The following C11orf65 variants were observed in gnomAD, a reference collection of about 807,000 sequenced individuals.
C11orf65 encodes chromosome 11 open reading frame 65, also known as protein MFI.
In C11orf65, 38 loss-of-function variants were observed where a neutral mutation model predicts 35.3. That is an observed-to-expected ratio of 1.08 (90% confidence interval 0.83 to 1.41). The LOEUF (loss-of-function observed/expected upper bound fraction) is 1.41. Among genes scored for constraint, C11orf65 ranks in the 40% most tolerant of loss-of-function variants. C11orf65 has a pLI of 0.00. For synonymous variants in C11orf65, 105 were observed against 114.4 expected, an observed-to-expected ratio of 0.92 and a Z score of 0.53; for missense variants, 370 against 367.1, an observed-to-expected ratio of 1.01 and a Z score of -0.06.
chr11:108,399,963 T>C (rs1198256470), intron 6 of C11orf65, among the ~76,000 whole-genome samples: 1 of 152,104 alleles, frequency 6.6e-6, no homozygotes, highest in East Asian at 1.9e-4. Context: ...TCCCATTAGG[T>C]CTCTTTAGAG....
At chr11:108,331,074 G>T, downstream of C11orf65, 1 of 696,484 alleles carries the variant, frequency 1.4e-6, no homozygotes, top group Non-Finnish European at 1.8e-6. Context: ...TATTACTTTT[G>T]GCCTATGGGG....
chr11:108,310,453 T>G (rs1428300793), intron 6 of C11orf65: 19 of 786,934 alleles, frequency 2.4e-5, no homozygotes, highest in Non-Finnish European at 3.3e-5. Flanking sequence ...TAAAGTGAAA[T>G]TATAATAAAT....
At chr11:108,378,922 T>A (rs1261828), downstream of C11orf65, among the ~76,000 whole-genome samples, 19 of 151,756 alleles carry the variant, frequency 1.3e-4, no homozygotes, top group South Asian at 4.2e-4. Flanking sequence ...TCAAAACCAC[T>A]ATGAGATACA....
chr11:108,433,491 G>A (rs556120648), intron 2 of C11orf65, among the ~76,000 whole-genome samples: 1 of 152,008 alleles, frequency 6.6e-6, no homozygotes, highest in Non-Finnish European at 1.5e-5. Flanking sequence ...GAGGCAGGAG[G>A]ATGGTGTGAA....
At chr11:108,310,213 T>C (rs1555110340) in intron 6 of C11orf65, 1 of 1,613,688 alleles carries the variant, frequency 6.2e-7, no homozygotes, top group South Asian at 1.1e-5. Context: ...TTAAATTATC[T>C]AGAAGTTGCC....
intron 6 of C11orf65, among the ~76,000 whole-genome samples, chr11:108,394,107 G>T (rs939581553): frequency 4.0e-5 from 6 of 148,884 alleles, no homozygotes; most frequent in African/African-American, 1.5e-4. Context: ...TAGAACCTGG[G>T]AGGTGGAGGT....
chr11:108,315,743 AATG>A (rs2084571784), intron 6 of C11orf65: 2 of 999,042 alleles, frequency 2.0e-6, no homozygotes, highest in Non-Finnish European at 3.1e-6. Flanking sequence ...ACATATTGGT[AATG>A]ATACAATTTA....
At chr11:108,377,160 G>A (rs1452146420) in intron 2 of C11orf65, among the ~76,000 whole-genome samples, 8 of 150,994 alleles carry the variant, frequency 5.3e-5, no homozygotes, top group South Asian at 2.1e-4. Flanking sequence ...TACCAAAGCC[G>A]AGCAGAGACA....
chr11:108,363,005 C>G (rs1003395595), intron 2 of C11orf65, among the ~76,000 whole-genome samples: 15 of 152,046 alleles, frequency 9.9e-5, no homozygotes, highest in African/African-American at 3.4e-4. Flanking sequence ...AAAACACACC[C>G]TCCAATGCTT....
At chr11:108,319,865 A>C (rs2085064348) in intron 6 of C11orf65, 2 of 912,504 alleles carry the variant, frequency 2.2e-6, no homozygotes, top group East Asian at 2.4e-5. Context: ...TGTTAATTTA[A>C]AAATTTTGTC....
chr11:108,321,798 A>C (rs535844792), intron 6 of C11orf65, among the ~76,000 whole-genome samples: 3 of 152,300 alleles, frequency 2.0e-5, no homozygotes, highest in East Asian at 3.9e-4. Flanking sequence ...AAAAAAAAAA[A>C]AACTATGTAG....
chr11:108,406,821 T>A lies in C11orf65; in HGVS notation c.371A>T (p.Asp124Val), dbSNP rs746526953. The A allele has an allele frequency of 3.7e-6, 6 of 1,613,330 alleles. No individual in the cohort carries two copies. Among genetic ancestry groups the A allele is most frequent in the East Asian group, 4.5e-5 (2 of 44,812 alleles). ...HNKNDHLQEE[D>V]HSGWYHRIEN... ...TATACGATGATACCAGCCACTATGA[T>A]CCTCTTCCTGAAGATGATCATTTTT... Residue 124 changes from aspartate (D) to valine (V), a missense_variant, in exon 5 of 9, where the codon GAT (aspartate) becomes GTT (valine). By Grantham distance (152) the Asp-to-Val change is radical. Coordinates refer to ENST00000393084, the MANE Select transcript of C11orf65 (RefSeq NM_152587.5).
intron 2 of C11orf65, among the ~76,000 whole-genome samples, chr11:108,451,930 T>C (rs2093353067): frequency 6.6e-6 from 1 of 152,184 alleles, no homozygotes; most frequent in South Asian, 2.1e-4. Flanking sequence ...TAATAAATGG[T>C]GCTGGGAAAA....
chr11:108,387,171 T>G, intron 7 of C11orf65, among the ~76,000 whole-genome samples: 1 of 140,178 alleles, frequency 7.1e-6, no homozygotes, highest in African/African-American at 2.7e-5. Flanking sequence ...TTTTTTTTTT[T>G]GAGACAAAAT....
intron 2 of C11orf65, among the ~76,000 whole-genome samples, chr11:108,451,675 C>G (rs941765597): frequency 7.2e-5 from 11 of 151,974 alleles, no homozygotes; most frequent in African/African-American, 1.9e-4. Context: ...CACATGGAAC[C>G]AAAAAAGAGC....
At chr11:108,335,799 A>G (rs373054235) in intron 2 of C11orf65, 50 of 1,493,038 alleles carry the variant, frequency 3.3e-5, no homozygotes, top group Non-Finnish European at 4.1e-5. Flanking sequence ...GTGTTTTTAT[A>G]ATAAAATAAA....
chr11:108,353,540 C>G (rs2089460493), intron 2 of C11orf65, among the ~76,000 whole-genome samples: 1 of 152,142 alleles, frequency 6.6e-6, no homozygotes, highest in Non-Finnish European at 1.5e-5. Flanking sequence ...CTAGATTTCT[C>G]TAGTTGGGTT....
At chr11:108,374,377 G>T (rs1591411809) in intron 2 of C11orf65, among the ~76,000 whole-genome samples, 1 of 80,858 alleles carries the variant, frequency 1.2e-5, no homozygotes, top group Admixed American at 1.8e-4. Context: ...CAGGTAAACA[G>T]GGTCTGGAGT....
At chr11:108,345,873 T>G in intron 2 of C11orf65, 1 of 1,613,888 alleles carries the variant, frequency 6.2e-7, no homozygotes, top group Non-Finnish European at 8.5e-7. Context: ...GAGAAGCGAT[T>G]GGCTTATACG....
Sources: allele counts gnomAD v4.1 joint callset (sites outside exome capture counted in the v4.1 genomes callset), GRCh38; gene constraint gnomAD v4.1.1; transcripts MANE v1.5; gene names NCBI Gene and HGNC (gene_info 2026-07-23, HGNC 2026-07-21).